SMAD1: variants seen among roughly 807,000 people sequenced by gnomAD.
SMAD1 encodes the protein MAD, mothers against decapentaplegic homolog 1.
SMAD1 carries 6 observed loss-of-function variants against 41.6 expected under a neutral mutation model. That is an observed-to-expected ratio of 0.14 (90% CI 0.08 to 0.28). The LOEUF is 0.28. Among genes scored for constraint, SMAD1 ranks in the 10% least tolerant of loss-of-function variants. The pLI is 1.00. For synonymous variants in SMAD1, 206 were observed against 203.2 expected (o/e 1.01, Z -0.12); for missense variants, 379 against 582.6 (o/e 0.65, Z 3.60).
At chr4:145,516,575 A>G (rs1484533384) in intron 2 of SMAD1, among the ~76,000 whole-genome samples, 2 of 152,150 alleles carry the variant, frequency 1.3e-5, no homozygotes, top group Non-Finnish European at 2.9e-5. Flanking sequence ...TTAAGAGAGC[A>G]TTGCCTTTTT....
intron 2 of SMAD1, among the ~76,000 whole-genome samples, chr4:145,534,538 T>C (rs1731505538): frequency 6.6e-6 from 1 of 152,190 alleles, no homozygotes; most frequent in Non-Finnish European, 1.5e-5. Flanking sequence ...AAAGCCTTTA[T>C]AATTAAAACA....
At chr4:145,522,684 G>GT (rs199773266) in intron 2 of SMAD1, among the ~76,000 whole-genome samples, 2,319 of 151,132 alleles carry the variant, frequency 0.015, 34 homozygotes, top group African/African-American at 0.03. Flanking sequence ...TTGTTTTTTT[G>GT]TTTTTTTTAA....
At chr4:145,537,178 A>G (rs1731658719) in intron 2 of SMAD1, among the ~76,000 whole-genome samples, 1 of 152,202 alleles carries the variant, frequency 6.6e-6, no homozygotes, top group African/African-American at 2.4e-5. Flanking sequence ...GAGACAGTTG[A>G]CAGAGTTGGA....
At chr4:145,510,396 A>G (rs138067650) in intron 1 of SMAD1, among the ~76,000 whole-genome samples, 1,772 of 152,214 alleles carry the variant, frequency 0.012, 31 homozygotes, top group African/African-American at 0.039. Flanking sequence ...ATTTAAGACT[A>G]TAAATTTCCC....
At chr4:145,483,420 G>T (rs1411160001) in intron 1 of SMAD1, among the ~76,000 whole-genome samples, 1 of 152,136 alleles carries the variant, frequency 6.6e-6, no homozygotes, top group Non-Finnish European at 1.5e-5. Flanking sequence ...ACTGTTCCCT[G>T]CCCATGTTGA....
chr4:145,498,995 CTTA>C (rs1729263263), intron 1 of SMAD1, among the ~76,000 whole-genome samples: 1 of 152,158 alleles, frequency 6.6e-6, no homozygotes, highest in Non-Finnish European at 1.5e-5. Flanking sequence ...CCTTTTACCT[CTTA>C]TTGCCACCTT....
Position 145,518,127 on chromosome 4 carries a change from TGTG to T in SMAD1, c.400+3120_400+3122del, listed in dbSNP as rs1022895530. 4.0e-5 allele frequency among the ~76,000 whole-genome samples: 5 copies of T among 125,656 alleles called. 2 individuals carry two copies. The highest frequency in any genetic ancestry group is 9.8e-5 in the Non-Finnish European group (5 of 51,010). The allele number at this position is 125,656 out of a possible 152,430, so 82.4% of individuals were successfully genotyped here. A position where few individuals can be genotyped will look rare whatever the true frequency, so the allele number is the denominator to read the frequency against. ...AATCAAAGTGCAAGAGGCAGCCAGATGTGGTGGTACATGCCTGTAGTCTCAGCT... is the reference window on the plus strand; with the variant it reads ...AATCAAAGTGCAAGAGGCAGCCAGATGTGGTACATGCCTGTAGTCTCAGCT... On this transcript the variant is annotated intron_variant, in intron 2 of 6. Coordinates refer to ENST00000302085, the MANE Select transcript of SMAD1 (RefSeq NM_005900.3).
rs2126409135 is a variant in SMAD1 at position 145,514,516 on chromosome 4, G to A, written c.-98G>A. On this transcript the variant is annotated 5_prime_UTR_variant, in exon 2 of 7. Coordinates refer to ENST00000302085, the MANE Select transcript of SMAD1 (RefSeq NM_005900.3). This position sits in a 1 kb window ranked among gnomAD's most constrained non-coding sequence, Gnocchi z 4.7. ...GGACTTCAAACTAAGAAGTTAAAGAGACTTCTCTGTAAATAAACAAATCTC... is the reference window on the plus strand; with the variant it reads ...GGACTTCAAACTAAGAAGTTAAAGAAACTTCTCTGTAAATAAACAAATCTC... 8.4e-7 allele frequency: 1 copy of A among 1,190,194 alleles called. No homozygotes were observed. The highest frequency in any genetic ancestry group is 2.4e-5 in the East Asian group (1 of 41,500). The allele number at this position is 1,190,194 out of a possible 1,614,324, so 73.7% of individuals were successfully genotyped here.
intron 2 of SMAD1, among the ~76,000 whole-genome samples, chr4:145,536,314 A>G (rs563268635): frequency 2.6e-5 from 4 of 152,278 alleles, no homozygotes; most frequent in Admixed American, 1.3e-4. Flanking sequence ...TGGTTTCTAA[A>G]TACTATTCCT....
At position 145,508,605 on chromosome 4, in the gene SMAD1, C is replaced by T. The variant is rs1729915379; in HGVS notation, c.-176-5833C>T. Among the ~76,000 whole-genome samples, 3 of 152,076 alleles carry T rather than the reference C, an allele frequency of 2.0e-5. No homozygotes were observed. The South Asian group carries it at 6.2e-4, about 32-fold the overall frequency. On this transcript the variant is annotated intron_variant, in intron 1 of 6. Coordinates refer to ENST00000302085, the MANE Select transcript of SMAD1 (RefSeq NM_005900.3). ...TATTGTTTTGCAAAATTCTACTTAT[C>T]CTTTAAGTCTGATGTTTTCTCTTGG...
At chr4:145,486,803 C>T (rs1728500278) in intron 1 of SMAD1, among the ~76,000 whole-genome samples, 1 of 152,192 alleles carries the variant, frequency 6.6e-6, no homozygotes, top group Non-Finnish European at 1.5e-5. Flanking sequence ...GAGAAGGTAA[C>T]TGACATCCAA....
rs1730277555 is a variant in SMAD1 at position 145,514,744 on chromosome 4, A to G, written c.131A>G (p.Lys44Arg). The G allele has an allele frequency of 1.2e-6, 2 of 1,614,120 alleles. No homozygotes were observed. Among genetic ancestry groups the G allele is most frequent in the Non-Finnish European group, 1.7e-6 (2 of 1,180,012 alleles). The change falls in exon 2 of 7, where the codon AAG (lysine) becomes AGG (arginine). Residue 44 changes from lysine to arginine, a missense_variant. This residue lies in a region of SMAD1 where 64 missense variants were observed against 153.9 expected (regional missense o/e 0.42). Coordinates refer to ENST00000302085, the MANE Select transcript of SMAD1 (RefSeq NM_005900.3). This position sits in a 1 kb window ranked among gnomAD's most constrained non-coding sequence, Gnocchi z 4.7. ...GCTTTGGTGAAAAAACTGAAGAAAAAGAAAGGTGCCATGGAGGAACTGGAA... is the reference window on the plus strand; with the variant it reads ...GCTTTGGTGAAAAAACTGAAGAAAAGGAAAGGTGCCATGGAGGAACTGGAA... Reference protein sequence around the residue: ...VDALVKKLKKKKGAMEELEKA... With the variant: ...VDALVKKLKKRKGAMEELEKA...
At chr4:145,535,431 A>C (rs546029187) in intron 2 of SMAD1, among the ~76,000 whole-genome samples, 9 of 152,316 alleles carry the variant, frequency 5.9e-5, no homozygotes, top group African/African-American at 2.2e-4. Context: ...GAAATACCTG[A>C]ATGGCCAGAT....
At chr4:145,506,301 G>T (rs914113826) in intron 1 of SMAD1, among the ~76,000 whole-genome samples, 7 of 152,182 alleles carry the variant, frequency 4.6e-5, no homozygotes, top group Admixed American at 1.3e-4. Flanking sequence ...TTAAGAAAGT[G>T]TAATGAACCA....
intron 1 of SMAD1, among the ~76,000 whole-genome samples, chr4:145,504,527 C>G (rs1729655790): frequency 6.6e-6 from 1 of 152,194 alleles, no homozygotes; most frequent in South Asian, 2.1e-4. Context: ...TGCTACTTAT[C>G]GTTGTGTTCT....
At chr4:145,500,699 A>G (rs890366201) in intron 1 of SMAD1, among the ~76,000 whole-genome samples, 1 of 152,294 alleles carries the variant, frequency 6.6e-6, no homozygotes, top group Non-Finnish European at 1.5e-5. Flanking sequence ...AGTGAATTGA[A>G]TAACTGTAGT....
chr4:145,554,165 T>A, intron 6 of SMAD1, 125 bp downstream of exon 6: 1 of 882,758 alleles, frequency 1.1e-6, no homozygotes. Context: ...GCTGACTTAT[T>A]ATCTAGGCAT....
intron 1 of SMAD1, among the ~76,000 whole-genome samples, chr4:145,499,597 A>G (rs562455410): frequency 1.3e-5 from 2 of 152,224 alleles, no homozygotes; most frequent in Non-Finnish European, 2.9e-5. Context: ...CGTGGGCAAC[A>G]GAGCAAGACC....
At chr4:145,557,700 T>C (rs1364895382) in intron 6 of SMAD1, 91 bp from the exon 7 acceptor site, 1 of 987,092 alleles carries the variant, frequency 1.0e-6, no homozygotes, top group Non-Finnish European at 1.5e-6. Context: ...ATAGCTTTAA[T>C]CAGAGTCTTT....
Sources: gnomAD v4.1 joint callset for allele counts (sites outside exome capture counted in the v4.1 genomes callset) on GRCh38, gnomAD v4.1.1 for gene constraint, gnomAD v4.1.1 regional missense constraint, Gnocchi (gnomAD v3.1) non-coding constraint, MANE v1.5 for transcripts, NCBI Gene and HGNC (gene_info 2026-07-23, HGNC 2026-07-21) for gene names.